Variants in WDR7 observed in about 807,000 individuals in gnomAD.
The protein encoded by WDR7 is WD repeat-containing protein 7.
Under a neutral mutation model 169.4 loss-of-function variants are expected in WDR7, and 46 were observed. The observed-to-expected ratio is 0.27, with a 90% CI of 0.21 to 0.35. The LOEUF is 0.35. WDR7 is among the 10% of genes least tolerant of loss of function. The pLI, the probability that WDR7 is intolerant of heterozygous loss-of-function variation, is 1.00. For synonymous variants in WDR7, 612 were observed against 666.8 expected (o/e 0.92, Z 1.27); for missense variants, 1,534 against 1,859.3 (o/e 0.83, Z 3.22).
At chr18:56,744,263 A>G (rs1316323942) in intron 14 of WDR7, among the ~76,000 whole-genome samples, 4 of 149,946 alleles carry the variant, frequency 2.7e-5, no homozygotes, top group Non-Finnish European at 5.9e-5. Flanking sequence ...AAAAAAAAAA[A>G]AAAAAAGAAA....
chr18:56,826,243 A>G (rs939285968), intron 20 of WDR7, among the ~76,000 whole-genome samples: 3 of 152,216 alleles, frequency 2.0e-5, no homozygotes, highest in African/African-American at 7.2e-5. Context: ...ATTGATATCA[A>G]ACTCATATGA....
At chr18:57,001,433 A>G (rs1599235437) in intron 26 of WDR7, among the ~76,000 whole-genome samples, 1 of 152,150 alleles carries the variant, frequency 6.6e-6, no homozygotes, top group East Asian at 1.9e-4. Flanking sequence ...TGCTCTCAAT[A>G]GTGAGCCTTT....
At chr18:57,017,230 A>G (rs941028721) in intron 26 of WDR7, among the ~76,000 whole-genome samples, 3 of 152,254 alleles carry the variant, frequency 2.0e-5, no homozygotes, top group Non-Finnish European at 4.4e-5. Context: ...TCTCGGGCTG[A>G]GATTGTAATG....
rs372050958 is a variant in WDR7 at position 56,962,543 on chromosome 18, T to G, written c.4164+14T>G. 1 of 1,609,396 alleles carries G rather than the reference T, an allele frequency of 6.2e-7. No individual in the cohort carries two copies. The highest frequency in any genetic ancestry group is 1.3e-5 in the African/African-American group (1 of 74,886). On this transcript the variant is annotated intron_variant, in intron 26 of 27. Coordinates refer to ENST00000254442, the MANE Select transcript of WDR7 (RefSeq NM_015285.3). ...GGAAAATGTCAGGTAAATAAATCAT[T>G]GTGACTTCCTCTCCATAAAGCGTGG...
chr18:56,657,299 A>G (rs2024798484), intron 1 of WDR7, among the ~76,000 whole-genome samples: 1 of 151,996 alleles, frequency 6.6e-6, no homozygotes, highest in African/African-American at 2.4e-5. Context: ...CTGGGATTAC[A>G]GGTGCCCGCC....
At chr18:56,878,125 G>A (rs1427536272) in intron 20 of WDR7, among the ~76,000 whole-genome samples, 1 of 152,136 alleles carries the variant, frequency 6.6e-6, no homozygotes, top group Non-Finnish European at 1.5e-5. Flanking sequence ...GGTTAAGAAA[G>A]GAAATTTTAA....
chr18:56,809,979 A>G lies in WDR7; in HGVS notation c.3191-6052A>G, dbSNP rs557197671. ...CTAACCCCTGGCAACCACTGATTTC[A>G]TTTTTGTTTTGCCTTTTACAGAAAG... On this transcript the variant is annotated intron_variant, in intron 19 of 27. Transcript: ENST00000254442. Among the ~76,000 whole-genome samples, 280 of 152,138 alleles carry G rather than the reference A, an allele frequency of 1.8e-3. 2 individuals carry two copies. Among genetic ancestry groups the G allele is most frequent in the Admixed American group, 3.7e-3 (56 of 15,282 alleles).
chr18:56,794,437 A>G (rs1014515715), intron 19 of WDR7, among the ~76,000 whole-genome samples: 3 of 148,520 alleles, frequency 2.0e-5, no homozygotes, highest in African/African-American at 7.4e-5. Context: ...AGCCACCCAA[A>G]CAGCTGGGAC....
intron 14 of WDR7, among the ~76,000 whole-genome samples, chr18:56,731,864 C>T (rs2026594997): frequency 6.6e-6 from 1 of 152,130 alleles, no homozygotes; most frequent in Non-Finnish European, 1.5e-5. Flanking sequence ...GGCAAACCAA[C>T]TGTATATAAT....
At chr18:56,728,485 G>A (rs1388499255) in intron 13 of WDR7, among the ~76,000 whole-genome samples, 1 of 152,090 alleles carries the variant, frequency 6.6e-6, no homozygotes, top group Non-Finnish European at 1.5e-5. Flanking sequence ...TCCTCGTGTG[G>A]ATGTGCTTTT....
rs574190524 is a variant in WDR7 at position 56,960,974 on chromosome 18, C to T, written c.4065-1456C>T. Among the ~76,000 whole-genome samples, 40 of 150,572 alleles carry T rather than the reference C, an allele frequency of 2.7e-4. No homozygotes were observed. The South Asian group carries it at 4.8e-3, about 18-fold the overall frequency. ...CACTAAAGTGGTTTCCTTCCTGTTA[C>T]TAAAAGTTAAAAAAAAAAAATGAGC... is the stretch of plus-strand genomic sequence containing the variant. On this transcript the variant is annotated intron_variant, in intron 25 of 27. Transcript: ENST00000254442.
At chr18:56,696,610 T>C (rs1285140563) in intron 12 of WDR7, 148 bp downstream of exon 12, 6 of 730,702 alleles carry the variant, frequency 8.2e-6, no homozygotes, top group Non-Finnish European at 1.3e-5. Context: ...AAAATAATAG[T>C]AACATTTAGG....
intron 13 of WDR7, 54 bp from the exon 14 acceptor site, chr18:56,731,325 TAAAC>T: frequency 6.4e-7 from 1 of 1,561,680 alleles, no homozygotes; most frequent in Non-Finnish European, 8.7e-7. Context: ...TTTCTTTACT[TAAAC>T]TATTCAAAAT....
In WDR7 at chr18:56,758,909, C is replaced by T. The variant is rs1184046108; in HGVS notation, c.2804C>T (p.Ser935Phe). 1 of 1,613,050 alleles carries T rather than the reference C, an allele frequency of 6.2e-7. No individual in the cohort carries two copies. Among genetic ancestry groups the T allele is most frequent in the African/African-American group, 1.3e-5 (1 of 74,988 alleles). The change falls in exon 16 of 28, where the codon TCC becomes TTC. Residue 935 changes from serine (S) to phenylalanine (F), a missense_variant. Physicochemically the swap from Ser to Phe is radical, Grantham distance 155 (BLOSUM62 -2). Coordinates refer to ENST00000254442, the MANE Select transcript of WDR7 (RefSeq NM_015285.3). ...CCAGACCTTTCTAAGGCAAGGGGTTCCCCTCCAACTTCCAGTAATATTGTG... is the reference window on the plus strand; with the variant it reads ...CCAGACCTTTCTAAGGCAAGGGGTTTCCCTCCAACTTCCAGTAATATTGTG... ...STPDLSKARGSPPTSSNIVQG... is the reference protein window; with the variant it reads ...STPDLSKARGFPPTSSNIVQG...
chr18:57,009,918 T>A lies in WDR7; in HGVS notation c.4165-10827T>A, dbSNP rs368565146. On this transcript the variant is annotated intron_variant, in intron 26 of 27. Transcript: ENST00000254442. Reference sequence around the variant, plus strand: ...CTGACCTACTGCTCTAACCAAACCATCTTCCGTTAACCATAACCCAAATCA... The same window carrying A: ...CTGACCTACTGCTCTAACCAAACCAACTTCCGTTAACCATAACCCAAATCA... 6.7e-5 allele frequency: 66 copies of A among 985,396 alleles called. No individual in the cohort carries two copies. The East Asian group carries it at 1.5e-3, about 22-fold the overall frequency. The allele number at this position is 985,396 out of a possible 1,614,324, so 61.0% of individuals were successfully genotyped here.
chr18:56,681,518 T>A, intron 4 of WDR7, 127 bp downstream of exon 4: 1 of 566,916 alleles, frequency 1.8e-6, no homozygotes, highest in Non-Finnish European at 2.8e-6. Context: ...ACAAGAAAAC[T>A]AGAATTGAAG....
At chr18:57,025,925 T>G (rs934363992) in intron 27 of WDR7, among the ~76,000 whole-genome samples, 3 of 152,230 alleles carry the variant, frequency 2.0e-5, no homozygotes, top group African/African-American at 7.2e-5. Flanking sequence ...ATCTGCATGC[T>G]TCATGCAAAT....
chr18:56,748,490 T>A (rs2144892782), intron 14 of WDR7, among the ~76,000 whole-genome samples: 1 of 152,286 alleles, frequency 6.6e-6, no homozygotes, highest in South Asian at 2.1e-4. Context: ...TTGAAAGATA[T>A]TTTCTTTATC....
chr18:57,026,959 G>A, intron 27 of WDR7, 45 bp from the exon 28 acceptor site: 2 of 1,582,280 alleles, frequency 1.3e-6, no homozygotes, highest in Non-Finnish European at 1.7e-6. Flanking sequence ...ATAGGGAAAG[G>A]GAGAGGGCTG....
Sources: gnomAD v4.1 joint callset for allele counts (sites outside exome capture counted in the v4.1 genomes callset) on GRCh38, gnomAD v4.1.1 for gene constraint, MANE v1.5 for transcripts, NCBI Gene and HGNC (gene_info 2026-07-23, HGNC 2026-07-21) for gene names.